The following CXADR variants were observed in gnomAD, a reference collection of about 807,000 sequenced individuals.
CXADR encodes coxsackievirus and adenovirus receptor.
CXADR carries 20 observed loss-of-function variants against 40.3 expected under a neutral mutation model. That is an observed-to-expected ratio of 0.50 (90% CI 0.35 to 0.72). The LOEUF is 0.72. CXADR is among the 30% of genes least tolerant of loss of function. The probability of loss-of-function intolerance (pLI) is 0.01; values close to 1 mark genes in which losing one functional copy is unlikely to be tolerated. For missense variants in CXADR, 332 were observed against 449.1 expected, an observed-to-expected ratio of 0.74 and a Z score of 2.36; for synonymous variants, 150 against 161.3, an observed-to-expected ratio of 0.93 and a Z score of 0.53.
Position 17,567,668 on chromosome 21 carries a change from T to G in CXADR, c.*1976T>G. On this transcript the variant is annotated 3_prime_UTR_variant, in exon 7 of 7. Coordinates refer to ENST00000284878, the MANE Select transcript of CXADR (RefSeq NM_001338.5). ...CTGATTTTATAACAGTAGCCATTTT[T>G]GAAAGTCAGATGTTTGGCCTGTTTT... 2.1e-6 allele frequency: 2 copies of G among 974,620 alleles called. No homozygotes were observed. The highest frequency in any genetic ancestry group is 2.4e-6 in the Non-Finnish European group (2 of 819,952). 60.4% of individuals were successfully genotyped at this position (974,620 alleles called of 1,614,324 possible).
intron 3 of CXADR, among the ~76,000 whole-genome samples, chr21:17,557,359 T>C (rs2061049931): frequency 1.3e-5 from 2 of 152,190 alleles, no homozygotes; most frequent in African/African-American, 4.8e-5. Flanking sequence ...AGCTCCCACT[T>C]CCTGTTTAAT....
At chr21:17,601,356 A>G in the CXADR span, among the ~76,000 whole-genome samples, 2 of 152,094 alleles carry the variant, frequency 1.3e-5, no homozygotes, top group Non-Finnish European at 2.9e-5. Context: ...GACTCTTCGT[A>G]GTATAAAATA....
intron 6 of CXADR, among the ~76,000 whole-genome samples, chr21:17,563,979 T>C (rs1177195866): frequency 8.5e-6 from 1 of 117,832 alleles, no homozygotes; most frequent in Non-Finnish European, 2.1e-5. Context: ...ATACATTTGC[T>C]TGACACAAGG....
chr21:17,586,047 A>G (rs1373590785), intron 7 of CXADR, among the ~76,000 whole-genome samples: 1 of 152,188 alleles, frequency 6.6e-6, no homozygotes, highest in African/African-American at 2.4e-5. Context: ...GCTAAGCTGG[A>G]AAGGGAAATC....
chr21:17,584,785 T>C (rs1201640015), intron 7 of CXADR, among the ~76,000 whole-genome samples: 2 of 152,196 alleles, frequency 1.3e-5, no homozygotes, highest in Admixed American at 6.5e-5. Context: ...GAGCCGAGAT[T>C]GCACCACTGC....
chr21:17,558,882 A>C, intron 3 of CXADR, 94 bp from the exon 4 acceptor site: 1 of 1,293,430 alleles, frequency 7.7e-7, no homozygotes, highest in Non-Finnish European at 1.0e-6. Context: ...ACCCAGAACC[A>C]ACTGATAATG....
intron 6 of CXADR, among the ~76,000 whole-genome samples, chr21:17,562,277 G>C (rs2061133995): frequency 6.6e-6 from 1 of 152,150 alleles, no homozygotes; most frequent in African/African-American, 2.4e-5. Flanking sequence ...AGTTGCTGAA[G>C]GTTGCAGTGG....
Position 17,547,047 on chromosome 21 carries a change from A to C in CXADR, c.64A>C (p.Ile22Leu), listed in dbSNP as rs748145898. Residue 22 changes from isoleucine (I) to leucine (L), a missense_variant, in exon 2 of 7, where the codon ATC becomes CTC. Around this residue, in one of 3 missense-constraint regions of CXADR, gnomAD observed 162 missense variants for 198.5 expected, o/e 0.82. Coordinates refer to ENST00000284878, the MANE Select transcript of CXADR (RefSeq NM_001338.5). ...GVVDFARSLS[I>L]TTPEEMIEKA... ...TCTAGATTTCGCCAGAAGTTTGAGT[A>C]TCACTACTCCTGAAGAGATGATTGA... 1.9e-6 allele frequency: 3 copies of C among 1,612,820 alleles called. No homozygotes were observed. Among genetic ancestry groups the C allele is most frequent in the African/African-American group, 2.7e-5 (2 of 74,890 alleles).
chr21:17,623,536 C>T, the CXADR span, among the ~76,000 whole-genome samples: 1 of 152,190 alleles, frequency 6.6e-6, no homozygotes, highest in Non-Finnish European at 1.5e-5. Context: ...GTTTTGAGTA[C>T]TGCCTGTGTG....
the CXADR span, among the ~76,000 whole-genome samples, chr21:17,599,636 C>T: frequency 7.6e-4 from 116 of 152,180 alleles, no homozygotes; most frequent in South Asian, 0.013. Flanking sequence ...CCCACCACCA[C>T]GCCCAGCTAA....
chr21:17,582,699 G>A (rs572805939), intron 7 of CXADR, among the ~76,000 whole-genome samples: 3 of 152,200 alleles, frequency 2.0e-5, no homozygotes, highest in African/African-American at 4.8e-5. Flanking sequence ...TGCATGTATC[G>A]CCATAACAGT....
intron 3 of CXADR, among the ~76,000 whole-genome samples, chr21:17,554,673 A>G (rs2061011925): frequency 6.6e-6 from 1 of 152,190 alleles, no homozygotes; most frequent in Non-Finnish European, 1.5e-5. Context: ...CACCAGAATT[A>G]TATTCTCTCG....
Position 17,551,940 on chromosome 21 carries a change from T to A in CXADR, c.402T>A (p.His134Gln). 6.2e-7 allele frequency: 1 copy of A among 1,612,896 alleles called. No homozygotes were observed. The highest frequency in any genetic ancestry group is 8.5e-7 in the Non-Finnish European group (1 of 1,178,954). Residue 134 changes from histidine to glutamine, a missense_variant, in exon 3 of 7, where the codon CAT (histidine) becomes CAA (glutamine). His to Gln is a conservative substitution (Grantham distance 24). This residue lies in a region of CXADR where 162 missense variants were observed against 198.5 expected (regional missense o/e 0.82). Transcript: ENST00000284878. Reference protein sequence around the residue: ...KAPGVANKKIHLVVLVKPSGA... With the variant: ...KAPGVANKKIQLVVLVKPSGA... The stretch of plus-strand genomic sequence containing the variant: ...CTGGTGTTGCAAATAAGAAGATTCA[T>A]CTGGTAGTTCTTGGTAAGTTATTTT...
At chr21:17,560,917 GGACACT>G in intron 5 of CXADR, 93 bp downstream of exon 5, 1 of 1,520,426 alleles carries the variant, frequency 6.6e-7, no homozygotes, top group East Asian at 2.3e-5. Flanking sequence ...AAGGACAAAG[GGACACT>G]GACTTTGATC....
downstream of CXADR, among the ~76,000 whole-genome samples, chr21:17,595,003 TAA>T (rs533634736): frequency 4.3e-5 from 6 of 140,270 alleles, no homozygotes; most frequent in East Asian, 6.1e-4. Flanking sequence ...AAATAAAAGT[TAA>T]AAAAAAAAAA....
At chr21:17,618,890 T>C in the CXADR span, among the ~76,000 whole-genome samples, 1 of 152,194 alleles carries the variant, frequency 6.6e-6, no homozygotes, top group Non-Finnish European at 1.5e-5. Flanking sequence ...CCTTGATCCA[T>C]GGGCTGCACA....
chr21:17,605,774 G>A, the CXADR span, among the ~76,000 whole-genome samples: 1 of 152,064 alleles, frequency 6.6e-6, no homozygotes, highest in Non-Finnish European at 1.5e-5. Context: ...GATTAAGTAG[G>A]GAAATAGGGC....
At chr21:17,529,762 G>A (rs965145538) in intron 1 of CXADR, among the ~76,000 whole-genome samples, 6 of 152,088 alleles carry the variant, frequency 3.9e-5, no homozygotes, top group Admixed American at 3.3e-4. Flanking sequence ...TTGAAGTTAT[G>A]ACATGCACAG....
intron 1 of CXADR, among the ~76,000 whole-genome samples, chr21:17,541,243 T>C (rs2060823353): frequency 6.6e-6 from 1 of 152,092 alleles, no homozygotes; most frequent in Admixed American, 6.6e-5. Context: ...CACAGAAGCA[T>C]TTCCCTGCCC....
Sources: allele counts gnomAD v4.1 joint callset (sites outside exome capture counted in the v4.1 genomes callset), GRCh38; gene constraint gnomAD v4.1.1; regional missense constraint gnomAD v4.1.1; transcripts MANE v1.5; gene names NCBI Gene and HGNC (gene_info 2026-07-23, HGNC 2026-07-21).